Variants in LRRC9 observed in about 807,000 individuals in gnomAD.
LRRC9 encodes leucine rich repeat containing 9.
In LRRC9, 122 loss-of-function variants were observed where a neutral mutation model predicts 63.2. The observed-to-expected ratio is 1.93, with a 90% CI of 1.67 to 2.24. The LOEUF is 2.24. LRRC9 is among the 30% of genes most tolerant of loss of function. The probability of loss-of-function intolerance (pLI) is 0.00; values close to 1 mark genes in which losing one functional copy is unlikely to be tolerated. For missense variants in LRRC9, 1,071 were observed against 627.7 expected (o/e 1.71, Z -7.55); for synonymous variants, 366 against 213.1 (o/e 1.72, Z -6.25).
exon 22 of LRRC9, chr14:60,006,537 T>A: frequency 1.4e-6 from 1 of 701,774 alleles, no homozygotes; most frequent in Non-Finnish European, 2.6e-6. Flanking sequence ...ATTGAGTGGT[T>A]TACAAAAATC....
Position 59,927,850 on chromosome 14 carries a change from A to G in LRRC9, c.-33-61A>G, listed in dbSNP as rs761615734. The G allele has an allele frequency of 5.2e-6, 3 of 577,432 alleles. No homozygotes were observed. The highest frequency in any genetic ancestry group is 4.5e-4 in the Middle Eastern group (1 of 2,236). 35.8% of individuals were successfully genotyped at this position (577,432 alleles called of 1,614,324 possible). A position where few individuals can be genotyped will look rare whatever the true frequency, so the allele number is the denominator to read the frequency against. ...TTCAACCTCAGTAGCTTTAAGGTCT[A>G]TTTCAACTTGGAATGACAATGACTT... On this transcript the variant is annotated intron_variant, in intron 1 of 31. Coordinates refer to ENST00000445360, the Ensembl canonical transcript of LRRC9. The surrounding 1 kb of genome is among the most constrained non-coding windows in gnomAD (Gnocchi z 4.4).
At chr14:60,065,078 A>G (rs1192541858), downstream of LRRC9, among the ~76,000 whole-genome samples, 1 of 152,140 alleles carries the variant, frequency 6.6e-6, no homozygotes, top group Non-Finnish European at 1.5e-5. Context: ...ATTCTTAAAA[A>G]TTGTTAATTA....
intron 14 of LRRC9, among the ~76,000 whole-genome samples, chr14:59,977,586 G>A (rs1004423110): frequency 2.0e-5 from 3 of 151,742 alleles, no homozygotes; most frequent in African/African-American, 4.8e-5. Context: ...GTGTGTGTGT[G>A]TGTGTGTGTG....
At chr14:59,952,367 GTGCGCGCACCCACTGGC>G (rs1296700598) in intron 8 of LRRC9, among the ~76,000 whole-genome samples, 2 of 152,156 alleles carry the variant, frequency 1.3e-5, no homozygotes, top group African/African-American at 4.8e-5. Context: ...CTCGCGCACG[GTGCGCGCACCCACTGGC>G]CTGCGCCCAC....
Position 60,053,785 on chromosome 14 carries a change from T to C in LRRC9, c.4131+580T>C. 2.7e-6 allele frequency: 1 copy of C among 377,144 alleles called. No homozygotes were observed. The allele number at this position is 377,144 out of a possible 1,614,324, so 23.4% of individuals were successfully genotyped here. ...GGGAAGAAATAATAAAAGCATGTCA[T>C]TTGAAAATTCTGTCTTTGACCACCT... On this transcript the variant is annotated intron_variant, in intron 30 of 31. Coordinates refer to ENST00000445360, the Ensembl canonical transcript of LRRC9. The surrounding 1 kb of genome is among the most constrained non-coding windows in gnomAD (Gnocchi z 4.8).
In LRRC9 at chr14:59,938,894, C is replaced by CAT. The variant is rs1182316988; in HGVS notation, c.726+330_726+331dup. 1.6e-3 allele frequency among the ~76,000 whole-genome samples: 193 copies of CAT among 119,206 alleles called. 1 individual carries two copies. The highest frequency in any genetic ancestry group is 3.5e-3 in the African/African-American group (98 of 28,356). The allele number at this position is 119,206 out of a possible 152,430, so 78.2% of individuals were successfully genotyped here. ...ATATATATATACACACATATATACA[C>CAT]ATATATATACATATATACACATATG... On this transcript the variant is annotated intron_variant, in intron 7 of 31. Transcript: ENST00000445360. The surrounding 1 kb of genome is among the most constrained non-coding windows in gnomAD (Gnocchi z 4.2).
At chr14:59,999,259 A>AT (rs759866738) in intron 19 of LRRC9, 33 bp downstream of exon 19, 2 of 684,658 alleles carry the variant, frequency 2.9e-6, no homozygotes, top group South Asian at 3.1e-5. Context: ...TCATTGTGCT[A>AT]TTTAGAACAT....
chr14:60,054,170 C>T (rs2140442687), intron 30 of LRRC9, among the ~76,000 whole-genome samples: 1 of 152,236 alleles, frequency 6.6e-6, no homozygotes, highest in Non-Finnish European at 1.5e-5. Flanking sequence ...GGTGACACTC[C>T]CAATTGCAGA....
downstream of LRRC9, among the ~76,000 whole-genome samples, chr14:60,065,267 C>T (rs1225453962): frequency 6.6e-6 from 1 of 151,804 alleles, no homozygotes; most frequent in Non-Finnish European, 1.5e-5. Context: ...GTAGTCCCAG[C>T]TACTAGGGAG....
intron 25 of LRRC9, 33 bp downstream of exon 25, chr14:60,018,512 G>A (rs1187649504): frequency 1.5e-6 from 1 of 673,144 alleles, no homozygotes; most frequent in Non-Finnish European, 2.7e-6. Flanking sequence ...TTTCTTTCAA[G>A]GTTTCCAATG....
At chr14:60,018,346 C>T (rs1890860267) in intron 24 of LRRC9, 25 bp from the exon 25 acceptor site, 1 of 699,332 alleles carries the variant, frequency 1.4e-6, no homozygotes, top group Non-Finnish European at 2.6e-6. Context: ...AAAATAATAG[C>T]TGTATTTACT....
At chr14:59,937,593 G>A (rs150757859) in intron 6 of LRRC9, among the ~76,000 whole-genome samples, 6 of 152,186 alleles carry the variant, frequency 3.9e-5, no homozygotes, top group African/African-American at 7.2e-5. Context: ...ACAAGATAGG[G>A]CTTGGCACAT....
Position 59,964,871 on chromosome 14 carries a change from C to A in LRRC9, c.1212-1718C>A, listed in dbSNP as rs1273782285. On this transcript the variant is annotated intron_variant, in intron 10 of 31. Transcript: ENST00000445360. The surrounding 1 kb of genome is among the most constrained non-coding windows in gnomAD (Gnocchi z 4.4). Reference sequence around the variant, plus strand: ...GATTAGTTTGGTTTAGGCAGCTCTCCTTTCAACTCTAAGGGAGAAGTAATT... The same window carrying A: ...GATTAGTTTGGTTTAGGCAGCTCTCATTTCAACTCTAAGGGAGAAGTAATT... 6.6e-6 allele frequency among the ~76,000 whole-genome samples: 1 copy of A among 152,184 alleles called. No individual in the cohort carries two copies. Among genetic ancestry groups the A allele is most frequent in the East Asian group, 1.9e-4 (1 of 5,196 alleles).
intron 29 of LRRC9, among the ~76,000 whole-genome samples, chr14:60,041,963 C>T (rs1892985639): frequency 6.6e-6 from 1 of 152,196 alleles, no homozygotes; most frequent in African/African-American, 2.4e-5. Flanking sequence ...AGTTTTCTTT[C>T]TAACGGTCAG....
At chr14:59,975,335 T>G (rs1886154892) in intron 13 of LRRC9, among the ~76,000 whole-genome samples, 1 of 151,524 alleles carries the variant, frequency 6.6e-6, no homozygotes, top group African/African-American at 2.4e-5. Flanking sequence ...GGGTTTAAGT[T>G]AAAATCAGCT....
rs1197728726 is a variant in LRRC9 at position 59,974,725 on chromosome 14, C to T, written c.1639+17C>T. 8.0e-6 allele frequency: 5 copies of T among 621,352 alleles called. No homozygotes were observed. In the Admixed American group the frequency reaches 8.7e-5, roughly 11 times the overall value. 38.5% of individuals were successfully genotyped at this position (621,352 alleles called of 1,614,324 possible). A position where few individuals can be genotyped will look rare whatever the true frequency, so the allele number is the denominator to read the frequency against. ...TCAGACATGGTAAATACAAATATGC[C>T]ATGTTTCTGAACTTTTAAGTTCTGT... On this transcript the variant is annotated intron_variant, in intron 13 of 31. Transcript: ENST00000445360.
rs556109959 is a variant in LRRC9 at position 60,019,804 on chromosome 14, ACCT to A, written c.3566+545_3566+547del. Among the ~76,000 whole-genome samples the A allele has an allele frequency of 2.6e-5, 4 of 151,508 alleles. No individual in the cohort carries two copies. The Admixed American group carries it at 2.6e-4, about 10-fold the overall frequency. Reference sequence around the variant, plus strand: ...TACTTTATGCAAAAAATGACAACAAACCTTCTACCTCCTTACACATTTTTGACA... The same window carrying A: ...TACTTTATGCAAAAAATGACAACAAATCTACCTCCTTACACATTTTTGACA... On this transcript the variant is annotated intron_variant, in intron 26 of 31. Coordinates refer to ENST00000445360, the Ensembl canonical transcript of LRRC9.
chr14:59,982,500 G>A (rs1026423868), intron 16 of LRRC9, among the ~76,000 whole-genome samples: 1 of 152,062 alleles, frequency 6.6e-6, no homozygotes, highest in African/African-American at 2.4e-5. Context: ...AAATGGCAGT[G>A]GGCATCACAT....
chr14:59,991,837 A>C (rs944554847), intron 17 of LRRC9, among the ~76,000 whole-genome samples: 3 of 152,224 alleles, frequency 2.0e-5, no homozygotes, highest in Non-Finnish European at 4.4e-5. Flanking sequence ...CGTGGAGCCC[A>C]CCACAGCTCA....
Sources: gnomAD v4.1 joint callset for allele counts (sites outside exome capture counted in the v4.1 genomes callset) on GRCh38, gnomAD v4.1.1 for gene constraint, Gnocchi (gnomAD v3.1) non-coding constraint, MANE v1.5 for transcripts, NCBI Gene and HGNC (gene_info 2026-07-23, HGNC 2026-07-21) for gene names.